Variants in CCBE1 observed in about 807,000 individuals in gnomAD.
CCBE1 encodes the protein collagen and calcium-binding EGF domain-containing protein 1.
A neutral mutation model predicts 50.0 loss-of-function variants in CCBE1; 37 were observed. The observed-to-expected ratio is 0.74, with a 90% confidence interval of 0.57 to 0.97. CCBE1 has a LOEUF of 0.97. Among genes scored for constraint, CCBE1 ranks in the 50% least tolerant of loss-of-function variants. The pLI is 0.00. For missense variants in CCBE1, 538 were observed against 523.8 expected (o/e 1.03, Z -0.26); for synonymous variants, 234 against 203.7 (o/e 1.15, Z -1.27).
chr18:59,594,673 C>T (rs904941515), intron 2 of CCBE1, among the ~76,000 whole-genome samples: 33 of 152,154 alleles, frequency 2.2e-4, no homozygotes, highest in African/African-American at 8.0e-4. Context: ...CTTCAACTGG[C>T]TAGCCTAGCA....
In CCBE1 at chr18:59,436,252, C is replaced by T. The variant is rs1910154145; in HGVS notation, c.988-111G>A. The T allele has an allele frequency of 4.3e-6, 4 of 935,958 alleles. No homozygotes were observed. In the African/African-American group the frequency reaches 4.9e-5, roughly 11 times the overall value. The allele number at this position is 935,958 out of a possible 1,614,324, so 58.0% of individuals were successfully genotyped here. On this transcript the variant is annotated intron_variant, in intron 10 of 10. Transcript: ENST00000439986. ...CAACTACTTTCTCAATAACTCTGTG[C>T]CCCAAATGGAGCCAATGTGAGGACT...
At chr18:59,635,804 G>A (rs974569577) in intron 2 of CCBE1, among the ~76,000 whole-genome samples, 3 of 151,742 alleles carry the variant, frequency 2.0e-5, no homozygotes, top group Non-Finnish European at 4.4e-5. Context: ...AGCACAAAAT[G>A]ACATGGCAGA....
intron 2 of CCBE1, among the ~76,000 whole-genome samples, chr18:59,556,349 T>C (rs2052657123): frequency 6.6e-6 from 1 of 152,108 alleles, no homozygotes; most frequent in Admixed American, 6.5e-5. Flanking sequence ...GAGGCCATGA[T>C]TGAGTACAGA....
At chr18:59,671,448 T>C (rs1301315397) in intron 2 of CCBE1, among the ~76,000 whole-genome samples, 1 of 148,860 alleles carries the variant, frequency 6.7e-6, no homozygotes, top group East Asian at 2.0e-4. Context: ...CAGTGAGCCA[T>C]GATTGTACCA....
chr18:59,683,222 G>A (rs1333793453), intron 2 of CCBE1, among the ~76,000 whole-genome samples: 1 of 152,080 alleles, frequency 6.6e-6, no homozygotes, highest in Non-Finnish European at 1.5e-5. Context: ...TATGCTCCTA[G>A]TGCTCTGAGC....
At chr18:59,660,859 C>T (rs1349415372) in intron 2 of CCBE1, among the ~76,000 whole-genome samples, 1 of 152,178 alleles carries the variant, frequency 6.6e-6, no homozygotes, top group Non-Finnish European at 1.5e-5. Context: ...AAAAGGTCAA[C>T]CACATATTTA....
chr18:59,524,592 AT>A (rs1269919176), intron 2 of CCBE1, among the ~76,000 whole-genome samples: 12 of 152,078 alleles, frequency 7.9e-5, no homozygotes, highest in South Asian at 2.1e-4. Context: ...GCATTTACTT[AT>A]TTTTTTCATT....
At position 59,553,144 on chromosome 18, in the gene CCBE1, C is replaced by G. The variant is rs1042788449; in HGVS notation, c.213-72906G>C. Among the ~76,000 whole-genome samples, 4 of 152,190 alleles carry G rather than the reference C, an allele frequency of 2.6e-5. No homozygotes were observed. In the East Asian group the frequency reaches 7.7e-4, roughly 29 times the overall value. On this transcript the variant is annotated intron_variant, in intron 2 of 10. Transcript: ENST00000439986. ...TCTTGAGATCATTAGGACAGCAAAC[C>G]TCTGGCCAAATTAATGTGACATAAT...
intron 2 of CCBE1, among the ~76,000 whole-genome samples, chr18:59,625,308 G>A (rs1424637125): frequency 6.6e-6 from 1 of 152,026 alleles, no homozygotes; most frequent in Non-Finnish European, 1.5e-5. Flanking sequence ...GTGGGCGCCT[G>A]TGGTCCCAGC....
At chr18:59,576,446 C>G (rs2052997135) in intron 2 of CCBE1, among the ~76,000 whole-genome samples, 1 of 152,120 alleles carries the variant, frequency 6.6e-6, no homozygotes, top group South Asian at 2.1e-4. Context: ...ATATTTTTGT[C>G]AATAAACAGC....
chr18:59,614,795 A>C (rs1186879864), intron 2 of CCBE1, among the ~76,000 whole-genome samples: 1 of 152,266 alleles, frequency 6.6e-6, no homozygotes, highest in Non-Finnish European at 1.5e-5. Flanking sequence ...ACTTCTGTTA[A>C]TATGCTATTA....
chr18:59,628,561 C>T (rs541631285), intron 2 of CCBE1, among the ~76,000 whole-genome samples: 3 of 152,154 alleles, frequency 2.0e-5, no homozygotes, highest in Non-Finnish European at 2.9e-5. Flanking sequence ...CTGTAACCAC[C>T]GCGATGTCCA....
chr18:59,563,335 T>C (rs973711459), intron 2 of CCBE1, among the ~76,000 whole-genome samples: 2 of 152,248 alleles, frequency 1.3e-5, no homozygotes, highest in African/African-American at 4.8e-5. Flanking sequence ...AAAATACTAT[T>C]TGTTTGCTAC....
intron 2 of CCBE1, among the ~76,000 whole-genome samples, chr18:59,625,986 T>C (rs1009097243): frequency 1.3e-5 from 2 of 152,230 alleles, no homozygotes; most frequent in African/African-American, 2.4e-5. Flanking sequence ...TCTTTTACTA[T>C]ATTTTTAAAT....
intron 2 of CCBE1, among the ~76,000 whole-genome samples, chr18:59,650,350 A>T (rs2054110757): frequency 6.6e-6 from 1 of 150,444 alleles, no homozygotes; most frequent in Non-Finnish European, 1.5e-5. Context: ...CAAGCAGAAG[A>T]GGCTCCAGAC....
intron 2 of CCBE1, among the ~76,000 whole-genome samples, chr18:59,565,417 C>T (rs752303133): frequency 6.2e-5 from 7 of 112,884 alleles, no homozygotes; most frequent in East Asian, 2.4e-4. Context: ...AGATGTGGTA[C>T]GAGGTAGACA....
At chr18:59,485,442 A>G (rs1912769278) in intron 2 of CCBE1, among the ~76,000 whole-genome samples, 1 of 152,112 alleles carries the variant, frequency 6.6e-6, no homozygotes. Flanking sequence ...TTCCTATAGT[A>G]TTAGAAGACT....
chr18:59,688,013 T>G (rs979039287), intron 2 of CCBE1, among the ~76,000 whole-genome samples: 5 of 152,194 alleles, frequency 3.3e-5, no homozygotes, highest in African/African-American at 1.2e-4. Context: ...GGTACCTGTA[T>G]AGTGTTATAA....
intron 2 of CCBE1, among the ~76,000 whole-genome samples, chr18:59,667,933 C>T (rs1370161739): frequency 2.6e-5 from 4 of 151,890 alleles, no homozygotes; most frequent in Non-Finnish European, 5.9e-5. Context: ...TTAGGTGTTA[C>T]GATGGACACA....
Sources: gnomAD v4.1 joint callset for allele counts (sites outside exome capture counted in the v4.1 genomes callset) on GRCh38, gnomAD v4.1.1 for gene constraint, MANE v1.5 for transcripts, NCBI Gene and HGNC (gene_info 2026-07-23, HGNC 2026-07-21) for gene names.